The following CTIF variants were observed in gnomAD, a reference collection of about 807,000 sequenced individuals.
CTIF encodes CBP80/20-dependent translation initiation factor.
A neutral mutation model predicts 66.0 loss-of-function variants in CTIF; 21 were observed. That is an observed-to-expected ratio of 0.32 (90% confidence interval 0.23 to 0.46). The LOEUF is 0.46. CTIF is among the 20% of genes least tolerant of loss of function. The pLI is 1.00. For synonymous variants in CTIF, 345 were observed against 326.4 expected (o/e 1.06, Z -0.62); for missense variants, 739 against 812.7 (o/e 0.91, Z 1.10).
chr18:48,827,690 C>T (rs1354871575), intron 10 of CTIF, among the ~76,000 whole-genome samples: 2 of 152,186 alleles, frequency 1.3e-5, no homozygotes, highest in African/African-American at 4.8e-5. Flanking sequence ...GGGCCAGGTA[C>T]CCAGCCCCTG....
At position 48,809,029 on chromosome 18, in the gene CTIF, T is replaced by G. The variant is rs150264315; in HGVS notation, c.1372-8192T>G. Among the ~76,000 whole-genome samples the G allele has an allele frequency of 1.7e-4, 26 of 152,360 alleles. No homozygotes were observed. The East Asian group carries it at 4.4e-3, about 26-fold the overall frequency. On this transcript the variant is annotated intron_variant, in intron 9 of 11. Transcript: ENST00000256413. ...TTCTCAATAAGGAATTGTGTGTGTTTCTTCGCTAGTTGAAGACGTTCTCTT... is the reference window on the plus strand; with the variant it reads ...TTCTCAATAAGGAATTGTGTGTGTTGCTTCGCTAGTTGAAGACGTTCTCTT...
chr18:48,600,804 G>A (rs140733091), intron 1 of CTIF, among the ~76,000 whole-genome samples: 10 of 152,136 alleles, frequency 6.6e-5, no homozygotes, highest in African/African-American at 2.4e-4. Flanking sequence ...ATCTTTTGCA[G>A]CCAAACCAGT....
chr18:48,666,771 A>G (rs1311973456), intron 5 of CTIF, among the ~76,000 whole-genome samples: 6 of 152,164 alleles, frequency 3.9e-5, no homozygotes, highest in African/African-American at 1.2e-4. Context: ...CACCCTGCTC[A>G]CTGCCTGCTC....
chr18:48,616,671 G>A (rs1010104109), intron 1 of CTIF, among the ~76,000 whole-genome samples: 3 of 152,196 alleles, frequency 2.0e-5, no homozygotes, highest in Admixed American at 6.5e-5. Flanking sequence ...AAGTGCTGAC[G>A]TGTCTGGGAC....
intron 1 of CTIF, among the ~76,000 whole-genome samples, chr18:48,616,764 A>G (rs1167362185): frequency 6.6e-6 from 1 of 152,124 alleles, no homozygotes; most frequent in Non-Finnish European, 1.5e-5. Context: ...CCCTGGGTGA[A>G]TCTTTTGCTT....
chr18:48,683,781 A>G (rs1471928188), intron 6 of CTIF, among the ~76,000 whole-genome samples: 2 of 152,196 alleles, frequency 1.3e-5, no homozygotes, highest in Admixed American at 1.3e-4. Flanking sequence ...TGGATCCCAG[A>G]GGTCTGCCAG....
intron 1 of CTIF, among the ~76,000 whole-genome samples, chr18:48,583,067 G>C (rs1249898109): frequency 6.6e-6 from 1 of 152,188 alleles, no homozygotes; most frequent in Non-Finnish European, 1.5e-5. Context: ...GGAGGGAGGA[G>C]GATGATGGGG....
At chr18:48,764,194 C>G (rs751598135) in intron 9 of CTIF, among the ~76,000 whole-genome samples, 5 of 152,226 alleles carry the variant, frequency 3.3e-5, no homozygotes, top group Non-Finnish European at 7.3e-5. Flanking sequence ...TCTCCTGTCC[C>G]AGCACCTCTC....
At chr18:48,684,377 A>G (rs1280265193) in intron 6 of CTIF, among the ~76,000 whole-genome samples, 1 of 152,106 alleles carries the variant, frequency 6.6e-6, no homozygotes, top group Non-Finnish European at 1.5e-5. Flanking sequence ...CCTCAAAGCA[A>G]CTACATACCT....
intron 7 of CTIF, among the ~76,000 whole-genome samples, chr18:48,712,088 C>T (rs565139248): frequency 3.9e-5 from 6 of 152,246 alleles, no homozygotes; most frequent in African/African-American, 1.2e-4. Context: ...CCAGGAGGCT[C>T]CTGGAGCTCA....
At chr18:48,633,565 G>A (rs1338788101) in intron 2 of CTIF, among the ~76,000 whole-genome samples, 1 of 151,978 alleles carries the variant, frequency 6.6e-6, no homozygotes, top group Non-Finnish European at 1.5e-5. Flanking sequence ...AGTTGGGCGT[G>A]GTGGCGGGCA....
intron 1 of CTIF, among the ~76,000 whole-genome samples, chr18:48,603,233 G>A (rs1406124105): frequency 6.7e-6 from 1 of 150,364 alleles, no homozygotes; most frequent in Non-Finnish European, 1.5e-5. Flanking sequence ...TGGGTGGGTA[G>A]ATTGATGGAT....
chr18:48,659,235 G>C (rs11082692), intron 3 of CTIF, among the ~76,000 whole-genome samples: 6,298 of 152,236 alleles, frequency 0.041, 173 homozygotes, highest in South Asian at 0.12. Context: ...TGCGGCCCCT[G>C]TGTCCAAGGT....
intron 9 of CTIF, among the ~76,000 whole-genome samples, chr18:48,801,772 G>A (rs1294569969): frequency 4.6e-5 from 7 of 152,212 alleles, no homozygotes; most frequent in Admixed American, 4.6e-4. Flanking sequence ...TTCCAGAGCA[G>A]AGGGATCCCA....
chr18:48,759,539 C>G (rs545023438), intron 8 of CTIF, among the ~76,000 whole-genome samples: 38 of 152,264 alleles, frequency 2.5e-4, no homozygotes, highest in Non-Finnish European at 4.7e-4. Context: ...GGAAACAGCA[C>G]GGGCTTTAGA....
chr18:48,689,635 A>G (rs1262289979), intron 6 of CTIF, among the ~76,000 whole-genome samples: 2 of 152,192 alleles, frequency 1.3e-5, no homozygotes, highest in Non-Finnish European at 2.9e-5. Flanking sequence ...TCCATATAAC[A>G]CAGCCCCTTT....
At chr18:48,789,000 C>T (rs528653762) in intron 9 of CTIF, among the ~76,000 whole-genome samples, 2 of 152,266 alleles carry the variant, frequency 1.3e-5, no homozygotes, top group South Asian at 4.1e-4. Context: ...CTCAGGAGGA[C>T]GTGTGCTGTG....
At chr18:48,765,922 T>A (rs1296298076) in intron 9 of CTIF, among the ~76,000 whole-genome samples, 3 of 151,264 alleles carry the variant, frequency 2.0e-5, no homozygotes, top group African/African-American at 4.9e-5. Flanking sequence ...TTTTTTTTTT[T>A]ACTTTTTATT....
chr18:48,546,159 C>T (rs2088744454), intron 1 of CTIF, among the ~76,000 whole-genome samples: 1 of 152,142 alleles, frequency 6.6e-6, no homozygotes, highest in Non-Finnish European at 1.5e-5. Flanking sequence ...GTAACAACCC[C>T]AGGGAAGAGT....
Sources: allele counts gnomAD v4.1 joint callset (sites outside exome capture counted in the v4.1 genomes callset), GRCh38; gene constraint gnomAD v4.1.1; transcripts MANE v1.5; gene names NCBI Gene and HGNC (gene_info 2026-07-23, HGNC 2026-07-21).